Variants in OR13A1 observed in about 807,000 individuals in gnomAD.
OR13A1 encodes the protein olfactory receptor family 13 subfamily A member 1, also known as olfactory receptor 13A1.
Under a neutral mutation model 7.5 loss-of-function variants are expected in OR13A1, and 10 were observed. The ratio of observed to expected loss-of-function variants is 1.34; its 90% CI spans 0.83 to 2.27. The LOEUF (loss-of-function observed/expected upper bound fraction) is 2.27, where lower values mean the gene tolerates loss of function less well. Ranked by LOEUF, OR13A1 falls within the 30% of genes most tolerant of loss-of-function variation. OR13A1 has a pLI of 0.00. For missense variants in OR13A1, 509 were observed against 419.1 expected (o/e 1.21, Z -1.87); for synonymous variants, 238 against 177.9 (o/e 1.34, Z -2.69).
intron 1 of OR13A1, among the ~76,000 whole-genome samples, chr10:45,312,029 C>G (rs190754363): frequency 3.7e-4 from 56 of 151,978 alleles, no homozygotes; most frequent in Non-Finnish European, 7.2e-4. Context: ...AAAAAATTAG[C>G]AAATTAGGGA....
chr10:45,304,326 G>A lies in OR13A1; in HGVS notation c.97C>T (p.Gln33Ter). Reference sequence around the variant, plus strand: ...TATTCTGGGTGCTCCGAAAAGCCCTGCAGGATGAACTCGGTTACCAACGTC... The same window carrying A: ...TATTCTGGGTGCTCCGAAAAGCCCTACAGGATGAACTCGGTTACCAACGTC... The part of the protein sequence containing the change: ...NQTLVTEFIL[Q>*]GFSEHPEYRV... Residue 33 changes from glutamine to a stop codon, truncating the protein, a stop_gained, in exon 4 of 4, where the codon CAG becomes TAG. Coordinates refer to ENST00000553795, the MANE Select transcript of OR13A1 (RefSeq NM_001004297.3). LOFTEE classifies it high-confidence loss of function. 1 of 1,614,164 alleles carries A rather than the reference G, an allele frequency of 6.2e-7. No individual in the cohort carries two copies. The highest frequency in any genetic ancestry group is 8.5e-7 in the Non-Finnish European group (1 of 1,180,020).
At chr10:45,309,005 A>C (rs918687856) in intron 1 of OR13A1, 2 of 152,188 alleles carry the variant, frequency 1.3e-5, no homozygotes, top group African/African-American at 4.8e-5. Context: ...GGAGCAATTA[A>C]ATTAAGTGCT....
chr10:45,305,220 T>C (rs1838303561), intron 3 of OR13A1, among the ~76,000 whole-genome samples: 1 of 151,220 alleles, frequency 6.6e-6, no homozygotes, highest in Admixed American at 6.6e-5. Flanking sequence ...GGCGACAGAG[T>C]GAGACTGTCT....
Position 45,303,998 on chromosome 10 carries a change from G to T in OR13A1, c.425C>A (p.Ala142Glu). 1 of 1,612,492 alleles carries T rather than the reference G, an allele frequency of 6.2e-7. No individual in the cohort carries two copies. The highest frequency in any genetic ancestry group is 8.5e-7 in the Non-Finnish European group (1 of 1,179,006). The change falls in exon 4 of 4, where the codon GCA becomes GAA. Residue 142 changes from alanine (A) to glutamate (E), a missense_variant. Transcript: ENST00000553795. ...LLTVMAYDRY[A>E]AICHPLHYSS... Reference sequence around the variant, plus strand: ...GTAATGCAGCGGGTGGCAGATGGCTGCGTACCGGTCATAGGCCATGACCGT... The same window carrying T: ...GTAATGCAGCGGGTGGCAGATGGCTTCGTACCGGTCATAGGCCATGACCGT...
chr10:45,304,651 G>A (rs1463477252), intron 3 of OR13A1, among the ~76,000 whole-genome samples: 3 of 152,122 alleles, frequency 2.0e-5, no homozygotes, highest in Non-Finnish European at 4.4e-5. Context: ...TCAAACAAAT[G>A]CAAATTAAAT....
intron 3 of OR13A1, among the ~76,000 whole-genome samples, chr10:45,305,404 T>C (rs1464829574): frequency 6.6e-6 from 1 of 152,226 alleles, no homozygotes; most frequent in Non-Finnish European, 1.5e-5. Flanking sequence ...CATGTTTGTA[T>C]ATGCACCTGT....
At chr10:45,308,973 A>G (rs955867901) in intron 1 of OR13A1, 1 of 152,172 alleles carries the variant, frequency 6.6e-6, no homozygotes, top group African/African-American at 2.4e-5. Flanking sequence ...GTTCACAACT[A>G]TTACTCTAAG....
intron 1 of OR13A1, among the ~76,000 whole-genome samples, chr10:45,314,889 T>C (rs1218824990): frequency 1.3e-5 from 2 of 152,132 alleles, no homozygotes; most frequent in African/African-American, 4.8e-5. Flanking sequence ...AACAGACTTA[T>C]AACTACGAAG....
intron 1 of OR13A1, among the ~76,000 whole-genome samples, chr10:45,312,443 C>T (rs1838462127): frequency 6.6e-6 from 1 of 151,442 alleles, no homozygotes. Flanking sequence ...TAGAGAAACA[C>T]TAAACAGTAC....
At position 45,313,192 on chromosome 10, in the gene OR13A1, C is replaced by A. The variant is rs562427240; in HGVS notation, c.-225+2332G>T. ...TGAAGAAATAGTTTTTGTACACAGT[C>A]GAAGTTATTCTCTTAACAGTTTAAA... On this transcript the variant is annotated intron_variant, in intron 1 of 3. Coordinates refer to ENST00000553795, the MANE Select transcript of OR13A1 (RefSeq NM_001004297.3). Among the ~76,000 whole-genome samples, 5 of 151,986 alleles carry A rather than the reference C, an allele frequency of 3.3e-5. No individual in the cohort carries two copies. The South Asian group carries it at 8.3e-4, about 25-fold the overall frequency.
intron 1 of OR13A1, among the ~76,000 whole-genome samples, chr10:45,308,134 A>G (rs1181054731): frequency 6.6e-6 from 1 of 152,230 alleles, no homozygotes; most frequent in East Asian, 1.9e-4. Context: ...ATATGAAGGT[A>G]GGCATTTCTA....
intron 1 of OR13A1, among the ~76,000 whole-genome samples, chr10:45,309,523 T>C (rs927827047): frequency 2.6e-5 from 4 of 152,100 alleles, no homozygotes; most frequent in African/African-American, 7.2e-5. Flanking sequence ...GGCAATAACA[T>C]GGGCTTCAGA....
At position 45,303,808 on chromosome 10, in the gene OR13A1, G is replaced by A; in HGVS notation, c.615C>T (p.Leu205=). The A allele has an allele frequency of 6.2e-7, 1 of 1,613,546 alleles. No homozygotes were observed. The highest frequency in any genetic ancestry group is 1.1e-5 in the South Asian group (1 of 91,088). Reference sequence around the variant, plus strand: ...CGTTGACGTAGGTGGAGCTGCAGGAGAGAAGCAGCAGGGGAGGGACCTCGC... The same window carrying A: ...CGTTGACGTAGGTGGAGCTGCAGGAAAGAAGCAGCAGGGGAGGGACCTCGC... ...FFCEVPPLLL[L]SCSSTYVNGV... Residue 205 remains leucine, a synonymous_variant, in exon 4 of 4, where the codon CTC becomes CTT. Transcript: ENST00000553795.
chr10:45,305,331 C>T (rs1445062182), intron 3 of OR13A1, among the ~76,000 whole-genome samples: 1 of 151,180 alleles, frequency 6.6e-6, no homozygotes, highest in Non-Finnish European at 1.5e-5. Flanking sequence ...ATTAAAAAAG[C>T]AGATTTGTTT....
intron 1 of OR13A1, among the ~76,000 whole-genome samples, chr10:45,313,593 G>C (rs552665379): frequency 4.2e-4 from 64 of 151,658 alleles, no homozygotes; most frequent in Non-Finnish European, 7.1e-4. Context: ...CCATGCAAAT[G>C]GTAAATAAAA....
chr10:45,304,298 C>G lies in OR13A1; in HGVS notation c.125G>C (p.Arg42Pro). The G allele has an allele frequency of 1.1e-5, 17 of 1,614,130 alleles. No individual in the cohort carries two copies. The highest frequency in any genetic ancestry group is 1.4e-5 in the Non-Finnish European group (17 of 1,180,022). The change falls in exon 4 of 4, where the codon CGG becomes CCG. Residue 42 changes from arginine to proline, a missense_variant. Transcript: ENST00000553795. ...LQGFSEHPEY[R>P]VFLFSCFLFL... ...GAGGAAACAGCTGAATAAGAACACC[C>G]GGTATTCTGGGTGCTCCGAAAAGCC...
rs552654603 is a variant in OR13A1 at position 45,312,785 on chromosome 10, GA to G, written c.-225+2738del. On this transcript the variant is annotated intron_variant, in intron 1 of 3. Coordinates refer to ENST00000553795, the MANE Select transcript of OR13A1 (RefSeq NM_001004297.3). ...GGATAATATATTCAAAGAGCTGAAA[GA>G]AAAGAAAATTTCAACCAAAAATATT... Among the ~76,000 whole-genome samples, 381 of 152,104 alleles carry G rather than the reference GA, an allele frequency of 2.5e-3. 1 individual carries two copies. The highest frequency in any genetic ancestry group is 8.8e-3 in the African/African-American group (364 of 41,542).
chr10:45,303,875 C>T lies in OR13A1; in HGVS notation c.548G>A (p.Arg183His), dbSNP rs116633831. 1,031 of 1,613,016 alleles carry T rather than the reference C, an allele frequency of 6.4e-4. 7 individuals are homozygous for T. In the African/African-American group the frequency reaches 0.012, roughly 19 times the overall value. ...NTAIHTGLML[R>H]LDFCGPNVII... ...GACATTGGGGCCACAGAAATCCAAG[C>T]GCAGCATCAGCCCCGTGTGGATGGC... Residue 183 changes from arginine to histidine, a missense_variant, in exon 4 of 4, where the codon CGC (arginine) becomes CAC (histidine). Physicochemically the swap from Arg to His is conservative, Grantham distance 29. Coordinates refer to ENST00000553795, the MANE Select transcript of OR13A1 (RefSeq NM_001004297.3).
intron 1 of OR13A1, among the ~76,000 whole-genome samples, chr10:45,310,358 C>T (rs1461609038): frequency 6.6e-6 from 1 of 152,188 alleles, no homozygotes; most frequent in Non-Finnish European, 1.5e-5. Context: ...AGGTTCCTCT[C>T]AAATCAATGA....
Sources: gnomAD v4.1 joint callset for allele counts (sites outside exome capture counted in the v4.1 genomes callset) on GRCh38, gnomAD v4.1.1 for gene constraint, MANE v1.5 for transcripts, NCBI Gene and HGNC (gene_info 2026-07-23, HGNC 2026-07-21) for gene names.